Variants in EBF1 observed in about 807,000 individuals in gnomAD.
The protein encoded by EBF1 is transcription factor COE1.
A neutral mutation model predicts 68.4 loss-of-function variants in EBF1; 10 were observed. The observed-to-expected ratio is 0.15, with a 90% CI of 0.09 to 0.25. The LOEUF (loss-of-function observed/expected upper bound fraction) is 0.25, where lower values mean the gene tolerates loss of function less well. Among genes scored for constraint, EBF1 ranks in the 10% least tolerant of loss-of-function variants. The probability of loss-of-function intolerance (pLI) is 1.00; values close to 1 mark genes in which losing one functional copy is unlikely to be tolerated. For missense variants in EBF1, 509 were observed against 794.4 expected (o/e 0.64, Z 4.32); for synonymous variants, 298 against 299.8 (o/e 0.99, Z 0.06).
chr5:158,728,177 G>T (rs993702882), intron 11 of EBF1, among the ~76,000 whole-genome samples: 1 of 152,066 alleles, frequency 6.6e-6, no homozygotes, highest in Non-Finnish European at 1.5e-5. Flanking sequence ...TTGAACTCTC[G>T]CTCCACTTTA....
intron 10 of EBF1, among the ~76,000 whole-genome samples, chr5:158,752,904 AAAGTT>A (rs1448235705): frequency 3.3e-5 from 5 of 152,070 alleles, no homozygotes; most frequent in African/African-American, 1.2e-4. Flanking sequence ...TTAATTTTGG[AAAGTT>A]AAGTGAAAAA....
At chr5:158,705,142 G>A (rs1345545983) in intron 15 of EBF1, among the ~76,000 whole-genome samples, 1 of 151,996 alleles carries the variant, frequency 6.6e-6, no homozygotes, top group African/African-American at 2.4e-5. Context: ...CACCAGGCCC[G>A]GCTAATTTTT....
chr5:158,866,847 A>G (rs866226388), intron 6 of EBF1, among the ~76,000 whole-genome samples: 27 of 3,156 alleles, frequency 8.6e-3, no homozygotes, highest in African/African-American at 0.023. Flanking sequence ...ATATATATAT[A>G]TATATATATA....
rs1450935205 is a variant in EBF1 at position 158,922,606 on chromosome 5, AG to A, written c.555-82497del. On this transcript the variant is annotated intron_variant, in intron 6 of 15. Transcript: ENST00000313708. ...AATTAAATTACACACAGCAGATCTAAGGGTTGGAAAAGTAGATTTACGGAAA... is the reference window on the plus strand; with the variant it reads ...AATTAAATTACACACAGCAGATCTAAGGTTGGAAAAGTAGATTTACGGAAA... 3.3e-5 allele frequency among the ~76,000 whole-genome samples: 5 copies of A among 152,324 alleles called. No individual in the cohort carries two copies. The East Asian group carries it at 9.6e-4, about 29-fold the overall frequency.
intron 10 of EBF1, among the ~76,000 whole-genome samples, chr5:158,739,943 C>T (rs1368838986): frequency 1.3e-5 from 2 of 152,112 alleles, no homozygotes; most frequent in Non-Finnish European, 2.9e-5. Context: ...GGCGATAAAC[C>T]GCATTGATTT....
At chr5:159,057,062 C>CCTCCCTGTG (rs999854782) in intron 6 of EBF1, among the ~76,000 whole-genome samples, 17 of 151,562 alleles carry the variant, frequency 1.1e-4, no homozygotes, top group African/African-American at 3.9e-4. Flanking sequence ...GTAGCTTCCT[C>CCTCCCTGTG]CTCCCTGTGA....
intron 10 of EBF1, among the ~76,000 whole-genome samples, chr5:158,747,471 G>A (rs1767840400): frequency 6.6e-6 from 1 of 152,118 alleles, no homozygotes; most frequent in South Asian, 2.1e-4. Flanking sequence ...TCATTCAGAT[G>A]ACATCTTCAT....
chr5:158,856,896 A>C (rs1305586412), intron 6 of EBF1, among the ~76,000 whole-genome samples: 4 of 152,226 alleles, frequency 2.6e-5, no homozygotes, highest in Non-Finnish European at 5.9e-5. Flanking sequence ...ATATGCCTGC[A>C]CTGGCAGCTA....
intron 5 of EBF1, chr5:159,073,714 C>T (rs537127807): frequency 2.0e-6 from 1 of 508,902 alleles, no homozygotes; most frequent in South Asian, 2.5e-5. Flanking sequence ...GACTCAGAAC[C>T]CCAAGATGGG....
chr5:158,785,880 C>T (rs983484710), intron 9 of EBF1, among the ~76,000 whole-genome samples: 6 of 152,136 alleles, frequency 3.9e-5, no homozygotes, highest in African/African-American at 1.4e-4. Flanking sequence ...GATATGCTTT[C>T]CTATTCATTG....
chr5:158,888,307 G>A (rs1402362685), intron 6 of EBF1, among the ~76,000 whole-genome samples: 4 of 151,866 alleles, frequency 2.6e-5, no homozygotes, highest in Admixed American at 2.6e-4. Context: ...GTATATTGTG[G>A]AATCAATGTC....
chr5:159,092,403 G>C (rs1307085886), intron 4 of EBF1, among the ~76,000 whole-genome samples: 1 of 152,118 alleles, frequency 6.6e-6, no homozygotes, highest in Non-Finnish European at 1.5e-5. Context: ...TAGGGATAAG[G>C]GATCTCAGAT....
chr5:158,801,796 A>G (rs1054826290), intron 8 of EBF1, among the ~76,000 whole-genome samples: 6 of 152,076 alleles, frequency 3.9e-5, no homozygotes, highest in African/African-American at 1.2e-4. Flanking sequence ...GAGCATTTAT[A>G]TTTCCTTCGA....
At position 158,812,383 on chromosome 5, in the gene EBF1, G is replaced by T. The variant is rs562254308; in HGVS notation, c.778+10793C>A. Among the ~76,000 whole-genome samples the T allele has an allele frequency of 1.7e-4, 26 of 152,170 alleles. No individual in the cohort carries two copies. The South Asian group carries it at 5.2e-3, about 30-fold the overall frequency. On this transcript the variant is annotated intron_variant, in intron 8 of 15. Coordinates refer to ENST00000313708, the MANE Select transcript of EBF1 (RefSeq NM_024007.5). ...GTGGCTACGTGGAGTCCCATTTCCT[G>T]GGTCGACCTAGCCCCCATTTCAGCA... is the stretch of plus-strand genomic sequence containing the variant.
chr5:159,002,122 A>G (rs1470224861), intron 6 of EBF1, among the ~76,000 whole-genome samples: 1 of 151,472 alleles, frequency 6.6e-6, no homozygotes, highest in East Asian at 1.9e-4. Context: ...CAGTAGAATA[A>G]GGTGAGAAAT....
intron 6 of EBF1, among the ~76,000 whole-genome samples, chr5:158,895,075 A>C (rs1009488568): frequency 6.6e-6 from 1 of 151,922 alleles, no homozygotes; most frequent in Admixed American, 6.6e-5. Flanking sequence ...ATCTTGTCCA[A>C]ATTTATTTAC....
At chr5:158,826,243 T>A (rs1445975937) in intron 7 of EBF1, among the ~76,000 whole-genome samples, 1 of 148,836 alleles carries the variant, frequency 6.7e-6, no homozygotes, top group East Asian at 2.0e-4. Flanking sequence ...AAGGAAAAGA[T>A]ATGTTTAGAA....
At chr5:159,081,745 A>G (rs908478302) in intron 5 of EBF1, among the ~76,000 whole-genome samples, 2 of 152,240 alleles carry the variant, frequency 1.3e-5, no homozygotes, top group East Asian at 3.8e-4. Context: ...CTGACCAAGC[A>G]TAGTTCTTAT....
At chr5:158,809,092 G>A (rs187231460) in intron 8 of EBF1, among the ~76,000 whole-genome samples, 5 of 152,134 alleles carry the variant, frequency 3.3e-5, no homozygotes, top group Admixed American at 2.0e-4. Context: ...ACTAGTCAAC[G>A]CATCCCTTGC....
Sources: allele counts gnomAD v4.1 joint callset (sites outside exome capture counted in the v4.1 genomes callset), GRCh38; gene constraint gnomAD v4.1.1; transcripts MANE v1.5; gene names NCBI Gene and HGNC (gene_info 2026-07-23, HGNC 2026-07-21).